The following FAM135B variants were observed in gnomAD, a reference collection of about 807,000 sequenced individuals.
FAM135B encodes family with sequence similarity 135 member B, also known as protein FAM135B.
A neutral mutation model predicts 127.7 loss-of-function variants in FAM135B; 43 were observed. That is an observed-to-expected ratio of 0.34 (90% CI 0.26 to 0.43). FAM135B has a LOEUF of 0.43. FAM135B is among the 20% of genes least tolerant of loss of function. The pLI is 1.00. For missense variants in FAM135B, 1,558 were observed against 1,725.6 expected, an observed-to-expected ratio of 0.90 and a Z score of 1.72; for synonymous variants, 670 against 665.1, an observed-to-expected ratio of 1.01 and a Z score of -0.11.
intron 7 of FAM135B, among the ~76,000 whole-genome samples, chr8:138,215,949 G>A (rs888940887): frequency 1.3e-5 from 2 of 152,166 alleles, no homozygotes; most frequent in African/African-American, 4.8e-5. Context: ...GCTACCCAGA[G>A]AAAGCAATTA....
chr8:138,483,912 T>C (rs1276301603), intron 1 of FAM135B, among the ~76,000 whole-genome samples: 4 of 152,198 alleles, frequency 2.6e-5, no homozygotes, highest in Non-Finnish European at 4.4e-5. Context: ...CATTAATCAC[T>C]GAATTTTGAA....
chr8:138,338,492 A>G (rs1828787840), intron 2 of FAM135B, among the ~76,000 whole-genome samples: 1 of 152,056 alleles, frequency 6.6e-6, no homozygotes, highest in African/African-American at 2.4e-5. Flanking sequence ...TTATGCAGCC[A>G]AAAGACACAT....
chr8:138,185,230 A>G (rs557219287), intron 9 of FAM135B, among the ~76,000 whole-genome samples: 5 of 152,318 alleles, frequency 3.3e-5, no homozygotes, highest in Non-Finnish European at 1.5e-5. Context: ...TGGAGCACAC[A>G]TGTAACATAC....
chr8:138,138,348 G>C (rs1255763736), intron 18 of FAM135B, among the ~76,000 whole-genome samples: 4 of 152,216 alleles, frequency 2.6e-5, no homozygotes, highest in African/African-American at 9.6e-5. Context: ...CAGGACGGTG[G>C]AAGATTGTGA....
chr8:138,431,506 C>T (rs1181706293), intron 1 of FAM135B, among the ~76,000 whole-genome samples: 1 of 152,196 alleles, frequency 6.6e-6, no homozygotes, highest in Non-Finnish European at 1.5e-5. Context: ...TTTATTGGAA[C>T]ACAACCACAC....
chr8:138,313,208 TG>T (rs1201009382), intron 2 of FAM135B, among the ~76,000 whole-genome samples: 14 of 152,256 alleles, frequency 9.2e-5, no homozygotes, highest in African/African-American at 3.4e-4. Context: ...CTCGGCTCAC[TG>T]CAACTTCCGT....
chr8:138,466,752 G>A (rs1036851537), intron 1 of FAM135B, among the ~76,000 whole-genome samples: 3 of 152,320 alleles, frequency 2.0e-5, no homozygotes, highest in Admixed American at 2.0e-4. Context: ...GGGCTGGGAT[G>A]TTCTGTTTAA....
At chr8:138,173,985 C>T (rs1320574214) in intron 11 of FAM135B, among the ~76,000 whole-genome samples, 4 of 152,098 alleles carry the variant, frequency 2.6e-5, no homozygotes, top group Admixed American at 1.3e-4. Flanking sequence ...AATTGTGACC[C>T]GTGGCGAAAG....
chr8:138,208,215 C>T (rs1251113408), intron 7 of FAM135B, among the ~76,000 whole-genome samples: 1 of 152,076 alleles, frequency 6.6e-6, no homozygotes, highest in Non-Finnish European at 1.5e-5. Context: ...TCGAATAGGT[C>T]AGTGAGTGGT....
At chr8:138,396,122 G>T (rs896121206) in intron 1 of FAM135B, among the ~76,000 whole-genome samples, 1 of 152,138 alleles carries the variant, frequency 6.6e-6, no homozygotes, top group Admixed American at 6.5e-5. Flanking sequence ...TGAGCTTTGG[G>T]GTGAGACCAG....
At chr8:138,237,585 C>T (rs1820400056) in intron 7 of FAM135B, among the ~76,000 whole-genome samples, 1 of 152,176 alleles carries the variant, frequency 6.6e-6, no homozygotes, top group Non-Finnish European at 1.5e-5. Flanking sequence ...ACAGATGTTT[C>T]TGTGAAGGCA....
At position 138,426,098 on chromosome 8, in the gene FAM135B, T is replaced by TTA. The variant is rs1320446938; in HGVS notation, c.-19-58098_-19-58097dup. Among the ~76,000 whole-genome samples the TTA allele has an allele frequency of 1.2e-3, 151 of 128,690 alleles. 6 individuals carry two copies. Among genetic ancestry groups the TTA allele is most frequent in the Middle Eastern group, 7.5e-3 (2 of 268 alleles). 84.4% of individuals were successfully genotyped at this position (128,690 alleles called of 152,430 possible). On this transcript the variant is annotated intron_variant, in intron 1 of 19. Coordinates refer to ENST00000395297, the MANE Select transcript of FAM135B (RefSeq NM_015912.4). Reference sequence around the variant, plus strand: ...ATATATAAAATGTTTTATGTATGTTTTATATATATATATACACATATGTGT... The same window carrying TTA: ...ATATATAAAATGTTTTATGTATGTTTTATATATATATATATACACATATGTGT...
At chr8:138,460,230 G>T (rs761072297) in intron 1 of FAM135B, among the ~76,000 whole-genome samples, 1 of 152,176 alleles carries the variant, frequency 6.6e-6, no homozygotes, top group Non-Finnish European at 1.5e-5. Context: ...GCACAGGTAA[G>T]GGACATAATT....
chr8:138,357,439 C>A (rs2131157033), intron 2 of FAM135B, among the ~76,000 whole-genome samples: 1 of 152,190 alleles, frequency 6.6e-6, no homozygotes, highest in Admixed American at 6.6e-5. Context: ...TTATACACTA[C>A]ATTTTTGTGA....
intron 3 of FAM135B, among the ~76,000 whole-genome samples, chr8:138,288,602 G>A (rs1824874203): frequency 6.6e-6 from 1 of 152,136 alleles, no homozygotes; most frequent in Non-Finnish European, 1.5e-5. Flanking sequence ...AACGGAGGAA[G>A]TCCACTGGGC....
intron 1 of FAM135B, chr8:138,440,727 G>C (rs1189791895): frequency 6.6e-6 from 1 of 152,096 alleles, no homozygotes; most frequent in Admixed American, 6.5e-5. Context: ...AGAAAGGCAA[G>C]ATCAATTTAA....
chr8:138,311,221 G>T (rs536702154), intron 2 of FAM135B, among the ~76,000 whole-genome samples: 1 of 152,336 alleles, frequency 6.6e-6, no homozygotes, highest in African/African-American at 2.4e-5. Context: ...TCATTAAGAG[G>T]TGTGGGTTTT....
At chr8:138,194,409 G>C (rs1157361413) in intron 9 of FAM135B, among the ~76,000 whole-genome samples, 2 of 152,174 alleles carry the variant, frequency 1.3e-5, no homozygotes, top group East Asian at 3.8e-4. Flanking sequence ...GCTCAACCCT[G>C]GCTGCACATA....
chr8:138,354,819 T>A (rs1223635700), intron 2 of FAM135B, among the ~76,000 whole-genome samples: 5 of 152,126 alleles, frequency 3.3e-5, no homozygotes, highest in Non-Finnish European at 5.9e-5. Context: ...ACATTCCTTT[T>A]GAGGAGGAAA....
Sources: allele counts gnomAD v4.1 joint callset (sites outside exome capture counted in the v4.1 genomes callset), GRCh38; gene constraint gnomAD v4.1.1; transcripts MANE v1.5; gene names NCBI Gene and HGNC (gene_info 2026-07-23, HGNC 2026-07-21).